The following KCNH7 variants were observed in gnomAD, a reference collection of about 807,000 sequenced individuals.
KCNH7 encodes potassium voltage-gated channel subfamily H member 7.
Under a neutral mutation model 120.8 loss-of-function variants are expected in KCNH7, and 49 were observed. That is an observed-to-expected ratio of 0.41 (90% CI 0.32 to 0.51). KCNH7 has a LOEUF of 0.51. KCNH7 is among the 20% of genes least tolerant of loss of function. The pLI, the probability that KCNH7 is intolerant of heterozygous loss-of-function variation, is 0.38. For missense variants in KCNH7, 1,097 were observed against 1,446.6 expected, an observed-to-expected ratio of 0.76 and a Z score of 3.92; for synonymous variants, 547 against 516.1, an observed-to-expected ratio of 1.06 and a Z score of -0.81.
At chr2:162,713,602 G>A (rs1173126430) in intron 2 of KCNH7, among the ~76,000 whole-genome samples, 1 of 151,750 alleles carries the variant, frequency 6.6e-6, no homozygotes, top group Non-Finnish European at 1.5e-5. Flanking sequence ...TATGCTTGAG[G>A]GTAGATTTTT....
intron 2 of KCNH7, among the ~76,000 whole-genome samples, chr2:162,627,571 G>A (rs1429639733): frequency 6.6e-6 from 1 of 152,070 alleles, no homozygotes; most frequent in Admixed American, 6.6e-5. Flanking sequence ...AAATATTCTT[G>A]AATGAAGTAA....
In KCNH7 at chr2:162,575,291, A is replaced by G. The variant is rs114484771; in HGVS notation, c.308-38211T>C. Among the ~76,000 whole-genome samples, 700 of 152,170 alleles carry G rather than the reference A, an allele frequency of 4.6e-3. 7 individuals are homozygous for G. The highest frequency in any genetic ancestry group is 0.016 in the African/African-American group (664 of 41,538). On this transcript the variant is annotated intron_variant, in intron 2 of 15. Transcript: ENST00000332142. ...AATTGGCCTTCTGCCTTATTCCTCAATCATGGTTCTCTTCCCGCATTTACC... is the reference window on the plus strand; with the variant it reads ...AATTGGCCTTCTGCCTTATTCCTCAGTCATGGTTCTCTTCCCGCATTTACC...
At position 162,430,622 on chromosome 2, in the gene KCNH7, T is replaced by C. The variant is rs139479776; in HGVS notation, c.1954+4576A>G. On this transcript the variant is annotated intron_variant, in intron 8 of 15. Coordinates refer to ENST00000332142, the MANE Select transcript of KCNH7 (RefSeq NM_033272.4). Reference sequence around the variant, plus strand: ...CCTTCTTTCAGGGATCAAACTTCCCTATTAATTTTCCAGTGCCTGAAAACA... The same window carrying C: ...CCTTCTTTCAGGGATCAAACTTCCCCATTAATTTTCCAGTGCCTGAAAACA... 1.9e-3 allele frequency among the ~76,000 whole-genome samples: 292 copies of C among 152,184 alleles called. 1 individual carries two copies. The highest frequency in any genetic ancestry group is 6.5e-3 in the African/African-American group (272 of 41,560).
At position 162,760,007 on chromosome 2, in the gene KCNH7, G is replaced by A. The variant is rs938383942; in HGVS notation, c.307+76530C>T. On this transcript the variant is annotated intron_variant, in intron 2 of 15. Transcript: ENST00000332142. ...TGTACTGAAAATGAAAGATAATAAC[G>A]TCACTTAAGTGGAAAAGCTTTAGTA... 5.3e-5 allele frequency among the ~76,000 whole-genome samples: 8 copies of A among 152,092 alleles called. No individual in the cohort carries two copies. In the South Asian group the frequency reaches 6.2e-4, roughly 12 times the overall value.
chr2:162,822,463 T>C (rs1685151042), intron 2 of KCNH7, among the ~76,000 whole-genome samples: 1 of 152,122 alleles, frequency 6.6e-6, no homozygotes, highest in Non-Finnish European at 1.5e-5. Flanking sequence ...AGGTAACATA[T>C]CACACAATGT....
intron 2 of KCNH7, among the ~76,000 whole-genome samples, chr2:162,747,800 T>G (rs1688365816): frequency 6.6e-6 from 1 of 152,172 alleles, no homozygotes; most frequent in Non-Finnish European, 1.5e-5. Flanking sequence ...TATAACATTT[T>G]TAAAGGAAAA....
intron 2 of KCNH7, among the ~76,000 whole-genome samples, chr2:162,807,283 A>G (rs552263932): frequency 4.7e-5 from 7 of 148,450 alleles, no homozygotes; most frequent in South Asian, 4.3e-4. Flanking sequence ...AAAAAAAAAA[A>G]CAAATTAGCC....
chr2:162,580,135 T>C (rs1481126861), intron 2 of KCNH7, among the ~76,000 whole-genome samples: 1 of 152,072 alleles, frequency 6.6e-6, no homozygotes, highest in African/African-American at 2.4e-5. Context: ...AAAGGCATCA[T>C]AGCTCACAGT....
intron 2 of KCNH7, among the ~76,000 whole-genome samples, chr2:162,812,022 G>GA (rs775219468): frequency 6.6e-6 from 1 of 152,114 alleles, no homozygotes; most frequent in East Asian, 1.9e-4. Context: ...GATTGCTTTA[G>GA]AAAAATTGTT....
intron 2 of KCNH7, among the ~76,000 whole-genome samples, chr2:162,684,898 C>G (rs967374695): frequency 6.6e-6 from 1 of 152,054 alleles, no homozygotes; most frequent in Non-Finnish European, 1.5e-5. Context: ...CACATGCACA[C>G]GTATGTTAAC....
intron 2 of KCNH7, among the ~76,000 whole-genome samples, chr2:162,787,986 C>A (rs1444221632): frequency 1.3e-5 from 2 of 152,174 alleles, no homozygotes; most frequent in African/African-American, 4.8e-5. Flanking sequence ...TGGTGAAGTG[C>A]TTTCTTTGCC....
At chr2:162,612,272 T>C (rs1274865777) in intron 2 of KCNH7, among the ~76,000 whole-genome samples, 1 of 152,168 alleles carries the variant, frequency 6.6e-6, no homozygotes, top group Non-Finnish European at 1.5e-5. Flanking sequence ...TGAATATTAA[T>C]GGTTATGTAA....
intron 6 of KCNH7, among the ~76,000 whole-genome samples, chr2:162,483,192 G>C (rs1689985511): frequency 6.6e-6 from 1 of 152,092 alleles, no homozygotes; most frequent in Non-Finnish European, 1.5e-5. Context: ...ATATGGTTGG[G>C]AAACAGAGGT....
intron 2 of KCNH7, among the ~76,000 whole-genome samples, chr2:162,635,529 C>T (rs1449191808): frequency 5.9e-5 from 9 of 152,004 alleles, no homozygotes; most frequent in Middle Eastern, 3.4e-3. Context: ...TAAAGTTTTG[C>T]AAATCTCAGT....
At chr2:162,543,284 GCACA>G (rs58051214) in intron 2 of KCNH7, among the ~76,000 whole-genome samples, 2,376 of 149,096 alleles carry the variant, frequency 0.016, 58 homozygotes, top group East Asian at 0.097. Context: ...ACACACATAC[GCACA>G]CACACACACA....
intron 2 of KCNH7, among the ~76,000 whole-genome samples, chr2:162,707,002 A>G (rs1211895342): frequency 6.6e-6 from 1 of 152,132 alleles, no homozygotes; most frequent in Non-Finnish European, 1.5e-5. Flanking sequence ...ACACTAGAAT[A>G]TGCATTCACT....
At chr2:162,651,580 C>T (rs922716854) in intron 2 of KCNH7, among the ~76,000 whole-genome samples, 1 of 152,058 alleles carries the variant, frequency 6.6e-6, no homozygotes, top group Non-Finnish European at 1.5e-5. Flanking sequence ...ATATGTTCTA[C>T]ATTTTCTTTA....
intron 13 of KCNH7, among the ~76,000 whole-genome samples, chr2:162,383,568 G>C (rs756128986): frequency 2.6e-5 from 4 of 151,834 alleles, no homozygotes; most frequent in Non-Finnish European, 4.4e-5. Flanking sequence ...GCTGAATATG[G>C]TACTTGGGAA....
intron 2 of KCNH7, among the ~76,000 whole-genome samples, chr2:162,641,852 AT>A (rs567407276): frequency 2.9e-4 from 42 of 143,942 alleles, no homozygotes; most frequent in Admixed American, 1.4e-3. Context: ...TTACAACTGC[AT>A]TTTTTTTATA....
Sources: allele counts gnomAD v4.1 joint callset (sites outside exome capture counted in the v4.1 genomes callset), GRCh38; gene constraint gnomAD v4.1.1; transcripts MANE v1.5; gene names NCBI Gene and HGNC (gene_info 2026-07-23, HGNC 2026-07-21).